Variants in NF2 observed in about 807,000 individuals in gnomAD.
NF2 encodes merlin.
In NF2, 8 loss-of-function variants were observed where a neutral mutation model predicts 83.7. The ratio of observed to expected loss-of-function variants is 0.10; its 90% CI spans 0.06 to 0.17. The LOEUF (loss-of-function observed/expected upper bound fraction) is 0.17. Among genes scored for constraint, NF2 ranks in the 10% least tolerant of loss-of-function variants. The pLI, the probability that NF2 is intolerant of heterozygous loss-of-function variation, is 1.00. For synonymous variants in NF2, 266 were observed against 269.6 expected (o/e 0.99, Z 0.13); for missense variants, 533 against 744.4 (o/e 0.72, Z 3.31).
chr22:29,623,730 C>A (rs2065273562), intron 1 of NF2, among the ~76,000 whole-genome samples: 1 of 152,136 alleles, frequency 6.6e-6, no homozygotes, highest in Admixed American at 6.6e-5. Flanking sequence ...TTGTCTGGTT[C>A]CTGCATCGTT....
At chr22:29,667,784 C>T (rs2066668040) in intron 9 of NF2, among the ~76,000 whole-genome samples, 1 of 152,094 alleles carries the variant, frequency 6.6e-6, no homozygotes, top group South Asian at 2.1e-4. Context: ...CAAATATATA[C>T]ATTTTTTCCT....
intron 15 of NF2, among the ~76,000 whole-genome samples, chr22:29,681,963 A>G (rs1354058587): frequency 2.6e-5 from 4 of 152,216 alleles, no homozygotes; most frequent in Non-Finnish European, 5.9e-5. Context: ...GAGGCTATTG[A>G]GAATGGACTT....
chr22:29,689,943 C>A (rs1385753756), intron 15 of NF2, among the ~76,000 whole-genome samples: 1 of 152,246 alleles, frequency 6.6e-6, no homozygotes, highest in African/African-American at 2.4e-5. Context: ...GGGAAACGAT[C>A]CCCCAAAAGG....
At chr22:29,670,178 C>T (rs1052448668) in intron 10 of NF2, among the ~76,000 whole-genome samples, 6 of 151,966 alleles carry the variant, frequency 3.9e-5, no homozygotes, top group African/African-American at 1.2e-4. Flanking sequence ...TTAATTGTTT[C>T]GTAGAGATCA....
chr22:29,639,926 T>G (rs1397826795), intron 3 of NF2, among the ~76,000 whole-genome samples: 4 of 110,168 alleles, frequency 3.6e-5, no homozygotes, highest in African/African-American at 1.1e-4. Context: ...GCCGGGCGGG[T>G]TGGCTCACCC....
chr22:29,673,586 C>T, intron 12 of NF2, 100 bp downstream of exon 12: 4 of 1,327,120 alleles, frequency 3.0e-6, no homozygotes, highest in Non-Finnish European at 4.2e-6. Context: ...CCTCAAGCTG[C>T]TTGCCCATCT....
chr22:29,610,499 C>T lies in NF2; in HGVS notation c.114+6387C>T, dbSNP rs144327771. On this transcript the variant is annotated intron_variant, in intron 1 of 15. Transcript: ENST00000338641. ...CTCTACTAAAAATACAAAAATTAGC[C>T]GAGCATGGTGGAGTGCGCCTGTAGT... Among the ~76,000 whole-genome samples, 1,272 of 151,628 alleles carry T rather than the reference C, an allele frequency of 8.4e-3. 14 individuals are homozygous for T. Among genetic ancestry groups the T allele is most frequent in the African/African-American group, 0.029 (1,213 of 41,384 alleles).
chr22:29,615,603 C>T (rs905057615), intron 1 of NF2, among the ~76,000 whole-genome samples: 4 of 152,060 alleles, frequency 2.6e-5, no homozygotes, highest in Non-Finnish European at 5.9e-5. Context: ...GGTGTGGTAG[C>T]GTTCCTCTGT....
At position 29,627,176 on chromosome 22, in the gene NF2, A is replaced by T. The variant is rs571882074; in HGVS notation, c.115-9575A>T. Among the ~76,000 whole-genome samples the T allele has an allele frequency of 1.1e-3, 162 of 152,336 alleles. 1 individual carries two copies. Among genetic ancestry groups the T allele is most frequent in the African/African-American group, 3.8e-3 (156 of 41,570 alleles). On this transcript the variant is annotated intron_variant, in intron 1 of 15. Transcript: ENST00000338641. The stretch of plus-strand genomic sequence containing the variant: ...AAAAGAAAATTATCGTAGCAATGAA[A>T]AATGCTACATGGTTTATACAAAGTC...
chr22:29,642,435 A>G (rs2065836871), intron 4 of NF2, 150 bp downstream of exon 4: 3 of 703,798 alleles, frequency 4.3e-6, no homozygotes, highest in Non-Finnish European at 7.7e-6. Flanking sequence ...TTGAAGAACC[A>G]CTGTCACTGT....
rs968480411 is a variant in NF2, at chr22:29,696,547, A to G, written c.*1745A>G. The G allele has an allele frequency of 4.6e-6, 1 of 218,422 alleles. No individual in the cohort carries two copies. The highest frequency in any genetic ancestry group is 9.2e-6 in the Non-Finnish European group (1 of 108,672). The allele number at this position is 218,422 out of a possible 1,614,324, so 13.5% of individuals were successfully genotyped here. A position where few individuals can be genotyped will look rare whatever the true frequency, so the allele number is the denominator to read the frequency against. Reference sequence around the variant, plus strand: ...TGAGAAACTTAGCAGCTCACAGAGCACAGAGATCCTGCCTTCTTCCTACTA... The same window carrying G: ...TGAGAAACTTAGCAGCTCACAGAGCGCAGAGATCCTGCCTTCTTCCTACTA... On this transcript the variant is annotated 3_prime_UTR_variant, in exon 16 of 16. Transcript: ENST00000338641.
At chr22:29,680,368 C>T (rs945497044) in intron 14 of NF2, among the ~76,000 whole-genome samples, 1 of 152,194 alleles carries the variant, frequency 6.6e-6, no homozygotes, top group Non-Finnish European at 1.5e-5. Flanking sequence ...CCTTGGCCTC[C>T]CAAAGTGTTG....
At chr22:29,673,904 T>C (rs1450128688) in intron 12 of NF2, among the ~76,000 whole-genome samples, 1 of 152,178 alleles carries the variant, frequency 6.6e-6, no homozygotes, top group African/African-American at 2.4e-5. Context: ...TGCCTACCTT[T>C]AAAGGGAAGC....
chr22:29,614,052 C>T (rs1037644881), intron 1 of NF2, among the ~76,000 whole-genome samples: 11 of 151,134 alleles, frequency 7.3e-5, no homozygotes, highest in South Asian at 2.1e-4. Context: ...CCACCGCACC[C>T]GGCCGGAATA....
intron 9 of NF2, among the ~76,000 whole-genome samples, chr22:29,665,563 G>T (rs1292758540): frequency 5.3e-5 from 8 of 152,012 alleles, no homozygotes; most frequent in African/African-American, 1.9e-4. Flanking sequence ...TTTTTAAAAA[G>T]GATTTTTAAT....
intron 1 of NF2, among the ~76,000 whole-genome samples, chr22:29,616,745 G>GA (rs76401799): frequency 3.8e-3 from 323 of 85,620 alleles, no homozygotes; most frequent in Admixed American, 4.6e-3. Context: ...TCCGTCTCAA[G>GA]AAAAAAAAAA....
intron 15 of NF2, among the ~76,000 whole-genome samples, chr22:29,689,986 C>T (rs888953259): frequency 3.3e-5 from 5 of 152,214 alleles, no homozygotes; most frequent in African/African-American, 4.8e-5. Context: ...GAGAGTTGGC[C>T]GTGCGCCTCA....
chr22:29,677,196 C>T (rs544640182), intron 13 of NF2, among the ~76,000 whole-genome samples: 9 of 152,200 alleles, frequency 5.9e-5, no homozygotes, highest in African/African-American at 2.2e-4. Flanking sequence ...AGGGTGGAAT[C>T]GCAGAAGAAC....
intron 6 of NF2, among the ~76,000 whole-genome samples, 180 bp from the exon 7 acceptor site, chr22:29,658,009 C>G (rs1220878633): frequency 1.3e-5 from 2 of 152,116 alleles, no homozygotes; most frequent in African/African-American, 4.8e-5. Context: ...TGCTTGACCT[C>G]AGTGTGTTTA....
Sources: gnomAD v4.1 joint callset for allele counts (sites outside exome capture counted in the v4.1 genomes callset) on GRCh38, gnomAD v4.1.1 for gene constraint, MANE v1.5 for transcripts, NCBI Gene and HGNC (gene_info 2026-07-23, HGNC 2026-07-21) for gene names.